The following SYNRG variants were observed in gnomAD, a reference collection of about 807,000 sequenced individuals.
SYNRG encodes the protein AP1 gamma subunit binding protein 1.
SYNRG carries 37 observed loss-of-function variants against 130.9 expected under a neutral mutation model. The ratio of observed to expected loss-of-function variants is 0.28; its 90% CI spans 0.22 to 0.37. SYNRG has a LOEUF of 0.37. Ranked by LOEUF, SYNRG falls within the 10% of genes least tolerant of loss-of-function variation. The probability of loss-of-function intolerance (pLI) is 1.00; values close to 1 mark genes in which losing one functional copy is unlikely to be tolerated. For missense variants in SYNRG, 1,338 were observed against 1,588.9 expected, an observed-to-expected ratio of 0.84 and a Z score of 2.68; for synonymous variants, 539 against 568.1, an observed-to-expected ratio of 0.95 and a Z score of 0.73.
intron 16 of SYNRG, 117 bp from the exon 17 acceptor site, chr17:37,539,362 C>T: frequency 9.3e-7 from 1 of 1,080,654 alleles, no homozygotes; most frequent in East Asian, 2.5e-5. Context: ...CACTCTAGTT[C>T]AAGCAGTTTA....
At chr17:37,548,991 T>C (rs929336723) in intron 14 of SYNRG, among the ~76,000 whole-genome samples, 1 of 151,534 alleles carries the variant, frequency 6.6e-6, no homozygotes, top group Non-Finnish European at 1.5e-5. Flanking sequence ...CAAAATTAGC[T>C]GGGTGTGTTG....
intron 18 of SYNRG, chr17:37,537,176 G>C (rs1358313820): frequency 1.3e-5 from 2 of 152,332 alleles, no homozygotes; most frequent in African/African-American, 4.8e-5. Context: ...GTAAGGCAGA[G>C]ACTACATCCC....
At chr17:37,529,576 G>A (rs1324445161) in intron 19 of SYNRG, among the ~76,000 whole-genome samples, 1 of 151,836 alleles carries the variant, frequency 6.6e-6, no homozygotes, top group Middle Eastern at 3.2e-3. Context: ...GGTGTGGAGG[G>A]GTGTTCAGAG....
intron 14 of SYNRG, among the ~76,000 whole-genome samples, chr17:37,545,873 A>C (rs2058237968): frequency 6.6e-6 from 1 of 152,228 alleles, no homozygotes; most frequent in Non-Finnish European, 1.5e-5. Context: ...AGTGTAATTC[A>C]TTTGAACACC....
At chr17:37,535,950 G>A (rs186023142) in intron 19 of SYNRG, 29 bp downstream of exon 19, 1 of 1,612,116 alleles carries the variant, frequency 6.2e-7, no homozygotes, top group East Asian at 2.2e-5. Context: ...GGAAAGGAAA[G>A]CAACTGCTGA....
At chr17:37,607,897 A>AGCG (rs2147228623) in intron 1 of SYNRG, among the ~76,000 whole-genome samples, 1 of 138,306 alleles carries the variant, frequency 7.2e-6, no homozygotes, top group Admixed American at 8.4e-5. Flanking sequence ...CAGAGGTTGC[A>AGCG]GCGGGTCGAG....
chr17:37,584,373 A>G (rs2061542827), intron 6 of SYNRG: 1 of 305,542 alleles, frequency 3.3e-6, no homozygotes, highest in African/African-American at 2.1e-5. Flanking sequence ...AGATTTTACT[A>G]ATGTTAACAT....
At chr17:37,519,201 G>T in intron 21 of SYNRG, 130 bp from the exon 22 acceptor site, 1 of 1,216,718 alleles carries the variant, frequency 8.2e-7, no homozygotes. Context: ...ACACATAAAA[G>T]CTGAGCGGAT....
rs1041656817 is a variant in SYNRG at position 37,561,478 on chromosome 17, T to C, written c.1593A>G (p.Pro531=). The C allele has an allele frequency of 6.2e-7, 1 of 1,612,810 alleles. No homozygotes were observed. The highest frequency in any genetic ancestry group is 1.3e-5 in the African/African-American group (1 of 74,906). The part of the protein sequence containing the change: ...AADKSSENTV[P]PGDPGDKYSA... ...AATTTACCAACTTTTTACCTCCAGG[T>C]GGAACAGTATTTTCAGAGGACTTGT... Residue 531 remains proline (P), a synonymous_variant, in exon 12 of 22, where the codon CCA becomes CCG. Coordinates refer to ENST00000612223, the MANE Select transcript of SYNRG (RefSeq NM_007247.6).
chr17:37,563,199 T>C (rs544799509), intron 11 of SYNRG, among the ~76,000 whole-genome samples: 2 of 152,368 alleles, frequency 1.3e-5, no homozygotes, highest in South Asian at 2.1e-4. Flanking sequence ...AGTTACATAG[T>C]AGTCATCAAC....
intron 14 of SYNRG, among the ~76,000 whole-genome samples, chr17:37,552,193 C>T (rs2058760019): frequency 6.6e-6 from 1 of 152,104 alleles, no homozygotes; most frequent in Admixed American, 6.6e-5. Flanking sequence ...CCTTCATATG[C>T]ATAATACATT....
At position 37,517,828 on chromosome 17, in the gene SYNRG, T is replaced by G. The variant is rs1222477425; in HGVS notation, c.*1112A>C. 6.6e-6 allele frequency: 1 copy of G among 152,158 alleles called. No individual in the cohort carries two copies. The highest frequency in any genetic ancestry group is 6.6e-5 in the Admixed American group (1 of 15,260). The allele number at this position is 152,158 out of a possible 1,614,324, so 9.4% of individuals were successfully genotyped here. A position where few individuals can be genotyped will look rare whatever the true frequency, so the allele number is the denominator to read the frequency against. On this transcript the variant is annotated 3_prime_UTR_variant, in exon 22 of 22. Coordinates refer to ENST00000612223, the MANE Select transcript of SYNRG (RefSeq NM_007247.6). ...AGGAATAACACAGCTCTTAGCCACTTGGGTTTTTCCCCTAATTTTATGCAT... is the reference window on the plus strand; with the variant it reads ...AGGAATAACACAGCTCTTAGCCACTGGGGTTTTTCCCCTAATTTTATGCAT...
chr17:37,550,938 C>T (rs558448243), intron 14 of SYNRG, among the ~76,000 whole-genome samples: 14 of 152,176 alleles, frequency 9.2e-5, no homozygotes, highest in Non-Finnish European at 1.5e-4. Context: ...AAATTATATG[C>T]AGCAAGGCCT....
chr17:37,569,134 G>C (rs981593646), intron 10 of SYNRG, among the ~76,000 whole-genome samples: 3 of 152,264 alleles, frequency 2.0e-5, no homozygotes, highest in African/African-American at 7.2e-5. Context: ...TTTAGGCTGG[G>C]AGCAGTGGCT....
intron 6 of SYNRG, among the ~76,000 whole-genome samples, chr17:37,581,350 T>C (rs1192530562): frequency 2.6e-5 from 4 of 152,080 alleles, no homozygotes; most frequent in Non-Finnish European, 4.4e-5. Context: ...CAATCTCAGC[T>C]CACCGCAACC....
chr17:37,604,700 C>T (rs1438185514), intron 1 of SYNRG, among the ~76,000 whole-genome samples: 2 of 152,200 alleles, frequency 1.3e-5, no homozygotes, highest in African/African-American at 2.4e-5. Flanking sequence ...TTTTGACCTA[C>T]CTCAGCTTTC....
Position 37,535,914 on chromosome 17 carries a change from C to T in SYNRG, c.3666+65G>A, listed in dbSNP as rs568541950. 27 of 1,597,914 alleles carry T rather than the reference C, an allele frequency of 1.7e-5. No homozygotes were observed. The East Asian group carries it at 5.1e-4, about 30-fold the overall frequency. ...TAATAAGTACCATCATAGGAATATA[C>T]ACTCTGCTTTACAACTTAGGTTTCT... On this transcript the variant is annotated intron_variant, in intron 19 of 21. Transcript: ENST00000612223.
At chr17:37,569,676 A>G (rs1443732848) in intron 10 of SYNRG, among the ~76,000 whole-genome samples, 1 of 150,510 alleles carries the variant, frequency 6.6e-6, no homozygotes, top group Non-Finnish European at 1.5e-5. Context: ...AAAACTAAAA[A>G]GGAAAGGTCA....
intron 3 of SYNRG, among the ~76,000 whole-genome samples, chr17:37,586,950 G>T (rs1447554893): frequency 2.6e-5 from 4 of 151,902 alleles, no homozygotes; most frequent in African/African-American, 7.3e-5. Context: ...CTGGCATATG[G>T]TAAACATACC....
Sources: allele counts gnomAD v4.1 joint callset (sites outside exome capture counted in the v4.1 genomes callset), GRCh38; gene constraint gnomAD v4.1.1; transcripts MANE v1.5; gene names NCBI Gene and HGNC (gene_info 2026-07-23, HGNC 2026-07-21).